COL19A1: variants seen among roughly 807,000 people sequenced by gnomAD.
COL19A1 encodes the protein collagen type XIX alpha 1 chain, also known as collagen alpha-1(XIX) chain.
COL19A1 carries 159 observed loss-of-function variants against 190.2 expected under a neutral mutation model. That is an observed-to-expected ratio of 0.84 (90% CI 0.73 to 0.95). The LOEUF is 0.95. COL19A1 is among the 40% of genes least tolerant of loss of function. The pLI, the probability that COL19A1 is intolerant of heterozygous loss-of-function variation, is 0.00. For synonymous variants in COL19A1, 509 were observed against 458.9 expected, an observed-to-expected ratio of 1.11 and a Z score of -1.39; for missense variants, 1,418 against 1,431.9, an observed-to-expected ratio of 0.99 and a Z score of 0.16.
chr6:70,100,503 T>C (rs986029270), intron 15 of COL19A1, among the ~76,000 whole-genome samples: 3 of 151,368 alleles, frequency 2.0e-5, no homozygotes, highest in African/African-American at 2.4e-5. Flanking sequence ...GAGAAAACAC[T>C]ACTATTAATA....
rs551133346 is a variant in COL19A1 at position 70,127,775 on chromosome 6, A to T, written c.1342-2407A>T. On this transcript the variant is annotated intron_variant, in intron 17 of 50. Transcript: ENST00000620364. Reference sequence around the variant, plus strand: ...GAGACTTATTCACTATCATGAGAATAGCACAGGAAAGACTCACACCCATGA... The same window carrying T: ...GAGACTTATTCACTATCATGAGAATTGCACAGGAAAGACTCACACCCATGA... Among the ~76,000 whole-genome samples the T allele has an allele frequency of 1.1e-3, 152 of 135,492 alleles. 3 individuals carry two copies. Among genetic ancestry groups the T allele is most frequent in the Non-Finnish European group, 3.7e-4 (24 of 64,888 alleles). 88.9% of individuals were successfully genotyped at this position (135,492 alleles called of 152,430 possible).
chr6:70,146,515 T>G (rs1020972266), intron 25 of COL19A1, 144 bp from the exon 26 acceptor site: 1 of 463,054 alleles, frequency 2.2e-6, no homozygotes, highest in African/African-American at 2.0e-5. Flanking sequence ...ATATTGAAAT[T>G]TTTACTCCCC....
chr6:70,071,639 C>G lies in COL19A1; in HGVS notation c.1224+3163C>G, dbSNP rs142268633. On this transcript the variant is annotated intron_variant, in intron 15 of 50. Transcript: ENST00000620364. ...GTTGACATATTTTTTAGTCTTACATCCTTTATGGATTCACACAGTTTTTAG... is the reference window on the plus strand; with the variant it reads ...GTTGACATATTTTTTAGTCTTACATGCTTTATGGATTCACACAGTTTTTAG... 4.5e-4 allele frequency among the ~76,000 whole-genome samples: 69 copies of G among 152,082 alleles called. 1 individual carries two copies. Among genetic ancestry groups the G allele is most frequent in the Middle Eastern group, 3.4e-3 (1 of 294 alleles).
intron 4 of COL19A1, among the ~76,000 whole-genome samples, chr6:69,904,665 G>A (rs1289699943): frequency 1.3e-5 from 2 of 152,190 alleles, no homozygotes; most frequent in Non-Finnish European, 2.9e-5. Context: ...TGCAGTGGTG[G>A]AGCCCCCTCC....
At chr6:70,109,541 AGTGTGTGTGTGTGTGTGTGTGTGT>A (rs60219800) in intron 16 of COL19A1, among the ~76,000 whole-genome samples, 1 of 143,892 alleles carries the variant, frequency 6.9e-6, no homozygotes, top group African/African-American at 2.6e-5. Context: ...CCGTTTTGTA[AGTGTGTGTGTGTGTGTGTGTGTGT>A]GTGTGTGTGT....
chr6:70,207,498 T>C lies in COL19A1; in HGVS notation c.*224T>C. 1 of 327,262 alleles carries C rather than the reference T, an allele frequency of 3.1e-6. No individual in the cohort carries two copies. Among genetic ancestry groups the C allele is most frequent in the South Asian group, 1.0e-4 (1 of 9,728 alleles). The allele number at this position is 327,262 out of a possible 1,614,324, so 20.3% of individuals were successfully genotyped here. ...TCATTCCATATGTTTTGCTTTACAA[T>C]TGCTATGATTTTTACTCAGAGTTTT... On this transcript the variant is annotated 3_prime_UTR_variant, in exon 51 of 51. Coordinates refer to ENST00000620364, the MANE Select transcript of COL19A1 (RefSeq NM_001858.6).
rs1409663472 is a variant in COL19A1, at chr6:70,100,369, C to A, written c.1225-1800C>A. ...TTTTCAGAAAATGTAAACTGCAAGA[C>A]TAGAACATGGTGTACATGTGTATAA... On this transcript the variant is annotated intron_variant, in intron 15 of 50. Transcript: ENST00000620364. 2.6e-5 allele frequency among the ~76,000 whole-genome samples: 4 copies of A among 151,972 alleles called. No homozygotes were observed. The South Asian group carries it at 8.3e-4, about 32-fold the overall frequency.
At chr6:69,921,281 T>TA (rs1554166064) in intron 4 of COL19A1, among the ~76,000 whole-genome samples, 2 of 132,682 alleles carry the variant, frequency 1.5e-5, no homozygotes, top group Non-Finnish European at 3.1e-5. Context: ...ATATATCATA[T>TA]ATCATATATC....
chr6:70,055,214 T>C (rs886730132), intron 14 of COL19A1, among the ~76,000 whole-genome samples: 1 of 152,320 alleles, frequency 6.6e-6, no homozygotes, highest in Admixed American at 6.5e-5. Context: ...TCAAAAAGTT[T>C]GATAGTACAC....
At chr6:69,957,814 C>T (rs1774514126) in intron 9 of COL19A1, among the ~76,000 whole-genome samples, 1 of 152,082 alleles carries the variant, frequency 6.6e-6, no homozygotes, top group Non-Finnish European at 1.5e-5. Context: ...GTGCTTGTGG[C>T]ACCTAGAACT....
At chr6:70,091,886 A>C (rs1047854378) in intron 15 of COL19A1, among the ~76,000 whole-genome samples, 1 of 152,212 alleles carries the variant, frequency 6.6e-6, no homozygotes, top group African/African-American at 2.4e-5. Flanking sequence ...ACAGACTTCA[A>C]ATTACTTTTA....
At chr6:70,108,549 TG>T (rs1220349622) in intron 16 of COL19A1, among the ~76,000 whole-genome samples, 6 of 152,190 alleles carry the variant, frequency 3.9e-5, no homozygotes, top group Non-Finnish European at 8.8e-5. Context: ...TAAATCCATA[TG>T]ATTTTTAAAA....
intron 49 of COL19A1, among the ~76,000 whole-genome samples, chr6:70,204,423 T>C (rs891401769): frequency 6.6e-6 from 1 of 152,194 alleles, no homozygotes; most frequent in Non-Finnish European, 1.5e-5. Flanking sequence ...GAGTAGAAAG[T>C]ACTTGTGCAA....
In COL19A1 at chr6:69,947,231, G is replaced by T. The variant is rs73480085; in HGVS notation, c.936+9131G>T. On this transcript the variant is annotated intron_variant, in intron 9 of 50. Coordinates refer to ENST00000620364, the MANE Select transcript of COL19A1 (RefSeq NM_001858.6). ...AAACATTTTATAATATAGACTATAA[G>T]ACATACTATAATTAAAAATATAAGA... Among the ~76,000 whole-genome samples the T allele has an allele frequency of 6.4e-3, 966 of 151,796 alleles. 11 individuals are homozygous for T. Among genetic ancestry groups the T allele is most frequent in the African/African-American group, 0.02 (812 of 41,440 alleles).
intron 15 of COL19A1, among the ~76,000 whole-genome samples, chr6:70,084,382 G>A (rs1782460931): frequency 6.6e-6 from 1 of 152,108 alleles, no homozygotes; most frequent in Admixed American, 6.6e-5. Flanking sequence ...TCCCTCAATA[G>A]CCATATTTTT....
intron 2 of COL19A1, among the ~76,000 whole-genome samples, chr6:69,897,418 C>T (rs989325909): frequency 6.6e-6 from 1 of 151,614 alleles, no homozygotes; most frequent in East Asian, 1.9e-4. Flanking sequence ...AGCTTGTTTT[C>T]TGTAGTTTCA....
intron 16 of COL19A1, among the ~76,000 whole-genome samples, chr6:70,117,139 CAG>C (rs1784627109): frequency 6.6e-6 from 1 of 152,142 alleles, no homozygotes; most frequent in Non-Finnish European, 1.5e-5. Context: ...TCACAATGTG[CAG>C]AGTGTGCTAA....
At chr6:69,889,707 G>A (rs1769203212) in intron 2 of COL19A1, among the ~76,000 whole-genome samples, 2 of 152,100 alleles carry the variant, frequency 1.3e-5, no homozygotes, top group African/African-American at 2.4e-5. Flanking sequence ...CTGTAAAAAC[G>A]CACCAATCAG....
chr6:70,146,079 G>A (rs1348383236), intron 25 of COL19A1, among the ~76,000 whole-genome samples: 1 of 151,998 alleles, frequency 6.6e-6, no homozygotes, highest in Non-Finnish European at 1.5e-5. Context: ...AAATATACAT[G>A]CATACAACAT....
Sources: allele counts gnomAD v4.1 joint callset (sites outside exome capture counted in the v4.1 genomes callset), GRCh38; gene constraint gnomAD v4.1.1; transcripts MANE v1.5; gene names NCBI Gene and HGNC (gene_info 2026-07-23, HGNC 2026-07-21).